GMDS: variants seen among roughly 807,000 people sequenced by gnomAD.
GMDS encodes the protein GDP-mannose 4,6-dehydratase, also known as GDP-mannose 4,6 dehydratase.
A neutral mutation model predicts 49.9 loss-of-function variants in GMDS; 20 were observed. That is an observed-to-expected ratio of 0.40 (90% CI 0.28 to 0.58). The LOEUF (loss-of-function observed/expected upper bound fraction) is 0.58. Ranked by LOEUF, GMDS falls within the 20% of genes least tolerant of loss-of-function variation. The pLI is 0.42. For missense variants in GMDS, 362 were observed against 481.4 expected, an observed-to-expected ratio of 0.75 and a Z score of 2.32; for synonymous variants, 177 against 178.6, an observed-to-expected ratio of 0.99 and a Z score of 0.07.
At chr6:1,728,866 A>AT (rs1766686028) in intron 8 of GMDS, among the ~76,000 whole-genome samples, 1 of 149,224 alleles carries the variant, frequency 6.7e-6, no homozygotes, top group South Asian at 2.1e-4. Flanking sequence ...TCCTCCTCTT[A>AT]TTTTTTCTTC....
chr6:2,174,741 G>C (rs997482768), intron 1 of GMDS, among the ~76,000 whole-genome samples: 1 of 151,850 alleles, frequency 6.6e-6, no homozygotes, highest in African/African-American at 2.4e-5. Flanking sequence ...CTAACTTTTT[G>C]TATTTTTAGT....
intron 1 of GMDS, among the ~76,000 whole-genome samples, chr6:2,129,947 T>G (rs985188823): frequency 6.6e-6 from 1 of 152,202 alleles, no homozygotes; most frequent in Non-Finnish European, 1.5e-5. Flanking sequence ...CCCTCTCATT[T>G]TACAGATCAG....
At chr6:2,008,984 GATGT>G (rs1195812387) in intron 4 of GMDS, among the ~76,000 whole-genome samples, 1 of 152,196 alleles carries the variant, frequency 6.6e-6, no homozygotes, top group Admixed American at 6.5e-5. Context: ...CAGGAAGCAA[GATGT>G]TAAGTGCTGT....
At chr6:1,820,680 G>A (rs985542054) in intron 7 of GMDS, among the ~76,000 whole-genome samples, 5 of 152,146 alleles carry the variant, frequency 3.3e-5, no homozygotes, top group Admixed American at 6.5e-5. Flanking sequence ...TTAGAGACAA[G>A]AATATTGTAG....
intron 4 of GMDS, among the ~76,000 whole-genome samples, chr6:2,054,923 A>T (rs1581580729): frequency 6.6e-6 from 1 of 152,286 alleles, no homozygotes; most frequent in South Asian, 2.1e-4. Context: ...ATCTTCAACC[A>T]GCTGCTATAA....
At chr6:1,832,508 A>G (rs1756708272) in intron 7 of GMDS, among the ~76,000 whole-genome samples, 1 of 152,022 alleles carries the variant, frequency 6.6e-6, no homozygotes, top group Non-Finnish European at 1.5e-5. Context: ...AGAGCATGTA[A>G]ATGCACTGAC....
intron 1 of GMDS, among the ~76,000 whole-genome samples, chr6:2,147,277 A>T (rs996619914): frequency 1.3e-5 from 2 of 152,208 alleles, no homozygotes; most frequent in Non-Finnish European, 2.9e-5. Flanking sequence ...CAAATCATGA[A>T]GATAATCAAA....
intron 6 of GMDS, among the ~76,000 whole-genome samples, chr6:1,955,072 G>C (rs1763559079): frequency 6.6e-6 from 1 of 151,762 alleles, no homozygotes; most frequent in Non-Finnish European, 1.5e-5. Flanking sequence ...AGAGACAGGA[G>C]GTGAACACCT....
intron 1 of GMDS, among the ~76,000 whole-genome samples, chr6:2,244,788 C>T (rs1467527720): frequency 6.6e-6 from 1 of 152,048 alleles, no homozygotes; most frequent in Non-Finnish European, 1.5e-5. Flanking sequence ...TAGTAGGTGA[C>T]TCCACAGCAT....
chr6:1,995,698 T>A (rs180992450), intron 4 of GMDS, among the ~76,000 whole-genome samples: 12 of 152,280 alleles, frequency 7.9e-5, no homozygotes, highest in South Asian at 4.1e-4. Flanking sequence ...ATCCAAGACA[T>A]TCCTGGTTAC....
chr6:1,926,548 C>A (rs984726365), intron 7 of GMDS, among the ~76,000 whole-genome samples: 1 of 152,212 alleles, frequency 6.6e-6, no homozygotes, highest in African/African-American at 2.4e-5. Context: ...CATTTGCAAA[C>A]ACTTCTTTAT....
At chr6:1,962,472 G>T (rs1764008033) in intron 4 of GMDS, among the ~76,000 whole-genome samples, 3 of 152,138 alleles carry the variant, frequency 2.0e-5, no homozygotes, top group Admixed American at 2.0e-4. Context: ...AGAACTACCA[G>T]ACCATTTTCC....
intron 10 of GMDS, 46 bp from the exon 11 acceptor site, chr6:1,624,277 T>C (rs11759759): frequency 0.12 from 188,339 of 1,561,286 alleles, 12,773 homozygotes; most frequent in Middle Eastern, 0.17. Flanking sequence ...TGCCACTCTC[T>C]CCTGGTGACA....
intron 6 of GMDS, among the ~76,000 whole-genome samples, chr6:1,940,984 T>A (rs1762796094): frequency 6.6e-6 from 1 of 151,908 alleles, no homozygotes; most frequent in Admixed American, 6.6e-5. Flanking sequence ...GTTGCCAACT[T>A]CCCCCTGGGG....
At chr6:1,716,593 C>T (rs1561752859) in intron 9 of GMDS, among the ~76,000 whole-genome samples, 2 of 152,142 alleles carry the variant, frequency 1.3e-5, no homozygotes, top group Non-Finnish European at 2.9e-5. Flanking sequence ...CTGCTGGCTG[C>T]GTGAGAGAAG....
chr6:1,661,539 G>A (rs1245105374), intron 9 of GMDS, among the ~76,000 whole-genome samples: 1 of 152,204 alleles, frequency 6.6e-6, no homozygotes, highest in Admixed American at 6.5e-5. Flanking sequence ...TAGTTTGGAA[G>A]CACCTGATCC....
intron 9 of GMDS, among the ~76,000 whole-genome samples, chr6:1,643,871 T>TA (rs369051509): frequency 5.1e-4 from 77 of 150,790 alleles, no homozygotes; most frequent in Non-Finnish European, 7.5e-4. Context: ...CCCTCCCCTC[T>TA]AAAAAAAAAG....
intron 9 of GMDS, among the ~76,000 whole-genome samples, chr6:1,695,238 A>T (rs1765299131): frequency 1.3e-5 from 2 of 152,188 alleles, no homozygotes; most frequent in African/African-American, 4.8e-5. Context: ...ACTGTTTAAG[A>T]TCCTCATTTC....
intron 7 of GMDS, among the ~76,000 whole-genome samples, chr6:1,854,956 C>T (rs529095334): frequency 6.6e-6 from 1 of 152,150 alleles, no homozygotes; most frequent in South Asian, 2.1e-4. Flanking sequence ...TTTGTGTTTT[C>T]TTTAGAGAAG....
Sources: allele counts gnomAD v4.1 joint callset (sites outside exome capture counted in the v4.1 genomes callset), GRCh38; gene constraint gnomAD v4.1.1; transcripts MANE v1.5; gene names NCBI Gene and HGNC (gene_info 2026-07-23, HGNC 2026-07-21).